Variants in ZFAND3 observed in about 807,000 individuals in gnomAD.
The protein encoded by ZFAND3 is AN1-type zinc finger protein 3.
A neutral mutation model predicts 29.6 loss-of-function variants in ZFAND3; 10 were observed. The ratio of observed to expected loss-of-function variants is 0.34; its 90% CI spans 0.21 to 0.57. The LOEUF is 0.57. Among genes scored for constraint, ZFAND3 ranks in the 20% least tolerant of loss-of-function variants. The probability of loss-of-function intolerance (pLI) is 0.86; values close to 1 mark genes in which losing one functional copy is unlikely to be tolerated. For missense variants in ZFAND3, 230 were observed against 304.5 expected, an observed-to-expected ratio of 0.76 and a Z score of 1.82; for synonymous variants, 128 against 112.6, an observed-to-expected ratio of 1.14 and a Z score of -0.87.
chr6:38,135,190 G>T (rs145294821), intron 5 of ZFAND3, among the ~76,000 whole-genome samples: 15 of 152,300 alleles, frequency 9.8e-5, no homozygotes, highest in African/African-American at 3.6e-4. Context: ...GCGCTGAGAG[G>T]TGACACTCTT....
At chr6:38,096,761 C>G (rs1384440773) in intron 4 of ZFAND3, among the ~76,000 whole-genome samples, 1 of 152,044 alleles carries the variant, frequency 6.6e-6, no homozygotes, top group Non-Finnish European at 1.5e-5. Context: ...CTGGATGATT[C>G]TGTTGACTTT....
intron 2 of ZFAND3, among the ~76,000 whole-genome samples, chr6:38,043,572 C>T (rs543754423): frequency 6.7e-6 from 1 of 149,600 alleles, no homozygotes; most frequent in Non-Finnish European, 1.5e-5. Flanking sequence ...CCCCTCTTCC[C>T]CCTTCCCCTC....
chr6:37,948,570 C>T (rs994832540), intron 2 of ZFAND3, among the ~76,000 whole-genome samples: 8 of 152,160 alleles, frequency 5.3e-5, no homozygotes, highest in African/African-American at 1.9e-4. Context: ...AGGTGATAAG[C>T]ATAGTACCCA....
chr6:37,836,963 A>G (rs140276825), intron 1 of ZFAND3, among the ~76,000 whole-genome samples: 1 of 152,302 alleles, frequency 6.6e-6, no homozygotes, highest in Non-Finnish European at 1.5e-5. Flanking sequence ...TTCGATTCCT[A>G]TAAATATTTA....
At chr6:38,086,003 G>A (rs1764748682) in intron 4 of ZFAND3, among the ~76,000 whole-genome samples, 2 of 152,070 alleles carry the variant, frequency 1.3e-5, no homozygotes, top group Non-Finnish European at 2.9e-5. Flanking sequence ...TCAGGTGAAG[G>A]GTATTGTCAT....
At chr6:38,100,660 T>G (rs1004827819) in intron 4 of ZFAND3, among the ~76,000 whole-genome samples, 7 of 152,228 alleles carry the variant, frequency 4.6e-5, no homozygotes, top group African/African-American at 1.7e-4. Flanking sequence ...TCAGCATTTC[T>G]GAGAAAGAAT....
At position 37,820,293 on chromosome 6, in the gene ZFAND3, G is replaced by T. The variant is rs369480982; in HGVS notation, c.71+277G>T. 4.5e-4 allele frequency among the ~76,000 whole-genome samples: 68 copies of T among 152,308 alleles called. No homozygotes were observed. In the East Asian group the frequency reaches 6.8e-3, roughly 15 times the overall value. The stretch of plus-strand genomic sequence containing the variant: ...GGGCCTCCTGGGCCACGGGTGAGGG[G>T]GGCAGGGCGGCGGGGAGGGATGAGG... On this transcript the variant is annotated intron_variant, in intron 1 of 5. Transcript: ENST00000287218.
chr6:38,109,409 C>G (rs1765272390), intron 4 of ZFAND3, among the ~76,000 whole-genome samples: 1 of 152,032 alleles, frequency 6.6e-6, no homozygotes, highest in Admixed American at 6.5e-5. Flanking sequence ...GTCTCAATCC[C>G]TTGACTTCGT....
At chr6:37,937,567 A>T (rs1761721073) in intron 2 of ZFAND3, among the ~76,000 whole-genome samples, 1 of 147,562 alleles carries the variant, frequency 6.8e-6, no homozygotes, top group Admixed American at 7.0e-5. Flanking sequence ...AGGCAGAAGA[A>T]TCGCTTGAAC....
At chr6:37,953,441 CTTTTTTTT>C (rs35182018) in intron 2 of ZFAND3, among the ~76,000 whole-genome samples, 12 of 106,214 alleles carry the variant, frequency 1.1e-4, no homozygotes, top group South Asian at 6.1e-4. Flanking sequence ...GCATAATTAT[CTTTTTTTT>C]TTTTTTTTTT....
chr6:38,093,626 G>A (rs952206938), intron 4 of ZFAND3, among the ~76,000 whole-genome samples: 5 of 152,136 alleles, frequency 3.3e-5, no homozygotes, highest in Non-Finnish European at 7.3e-5. Flanking sequence ...TGCATGAGAA[G>A]AGGGATCAGG....
intron 2 of ZFAND3, among the ~76,000 whole-genome samples, chr6:37,998,174 G>T (rs1561960826): frequency 6.6e-6 from 1 of 152,188 alleles, no homozygotes; most frequent in Non-Finnish European, 1.5e-5. Context: ...AATCTTAAAT[G>T]CAAATTACAA....
intron 1 of ZFAND3, among the ~76,000 whole-genome samples, chr6:37,901,005 G>T (rs537144237): frequency 6.7e-6 from 1 of 150,044 alleles, no homozygotes; most frequent in African/African-American, 2.5e-5. Context: ...CGTTTCACTA[G>T]TACTTTTTTT....
intron 2 of ZFAND3, among the ~76,000 whole-genome samples, chr6:37,931,866 C>G (rs1761603254): frequency 6.6e-6 from 1 of 152,130 alleles, no homozygotes; most frequent in African/African-American, 2.4e-5. Flanking sequence ...GGGAAGCTGA[C>G]AGCTTTTATA....
At chr6:38,130,901 A>G (rs889621608) in intron 5 of ZFAND3, among the ~76,000 whole-genome samples, 3 of 152,154 alleles carry the variant, frequency 2.0e-5, no homozygotes, top group Admixed American at 2.0e-4. Flanking sequence ...TCTTCTTTGA[A>G]TGTCTGGTAG....
chr6:38,114,288 A>G (rs1765375052), intron 4 of ZFAND3, among the ~76,000 whole-genome samples: 1 of 152,248 alleles, frequency 6.6e-6, no homozygotes, highest in African/African-American at 2.4e-5. Context: ...CGCAGAGAGC[A>G]GTGTGGCTCA....
At chr6:37,859,694 G>T (rs1052096542) in intron 1 of ZFAND3, among the ~76,000 whole-genome samples, 3 of 152,078 alleles carry the variant, frequency 2.0e-5, no homozygotes, top group Admixed American at 2.0e-4. Flanking sequence ...TGCAAATATT[G>T]TGGGACTGGC....
Position 38,149,258 on chromosome 6 carries a change from A to T in ZFAND3, c.530-2977A>T, listed in dbSNP as rs192816265. On this transcript the variant is annotated intron_variant, in intron 5 of 5. Transcript: ENST00000287218. ...CCTTGTCTCTACAAAAATAAAGTAT[A>T]AAAAAACAGCTAGGTGTGGTGATGT... Among the ~76,000 whole-genome samples the T allele has an allele frequency of 2.0e-5, 3 of 152,048 alleles. No individual in the cohort carries two copies. In the East Asian group the frequency reaches 5.8e-4, roughly 30 times the overall value.
intron 5 of ZFAND3, among the ~76,000 whole-genome samples, chr6:38,121,894 G>T (rs566597400): frequency 6.6e-6 from 1 of 152,280 alleles, no homozygotes; most frequent in East Asian, 1.9e-4. Flanking sequence ...TAAATGCTCT[G>T]CTCCTCGTGA....
Sources: gnomAD v4.1 joint callset for allele counts (sites outside exome capture counted in the v4.1 genomes callset) on GRCh38, gnomAD v4.1.1 for gene constraint, MANE v1.5 for transcripts, NCBI Gene and HGNC (gene_info 2026-07-23, HGNC 2026-07-21) for gene names.